Variants in SLC24A2 observed in about 807,000 individuals in gnomAD.
SLC24A2 encodes the protein solute carrier family 24 member 2.
In SLC24A2, 36 loss-of-function variants were observed where a neutral mutation model predicts 62.0. The observed-to-expected ratio is 0.58, with a 90% CI of 0.44 to 0.77. SLC24A2 has a LOEUF of 0.77. Ranked by LOEUF, SLC24A2 falls within the 30% of genes least tolerant of loss-of-function variation. The pLI is 0.00. For synonymous variants in SLC24A2, 358 were observed against 294.0 expected (o/e 1.22, Z -2.23); for missense variants, 846 against 817.9 (o/e 1.03, Z -0.42).
In SLC24A2 at chr9:19,578,066, A is replaced by G. The variant is rs146798101; in HGVS notation, c.1130-1044T>C. Among the ~76,000 whole-genome samples the G allele has an allele frequency of 4.9e-3, 746 of 150,968 alleles. 9 individuals carry two copies. The highest frequency in any genetic ancestry group is 0.017 in the African/African-American group (705 of 41,232). ...GATGCAAAGGCATAAGAATAATACAATAGACTTTGGGGACTTGGGGGGAAG... is the reference window on the plus strand; with the variant it reads ...GATGCAAAGGCATAAGAATAATACAGTAGACTTTGGGGACTTGGGGGGAAG... On this transcript the variant is annotated intron_variant, in intron 5 of 10. Coordinates refer to ENST00000341998, the MANE Select transcript of SLC24A2 (RefSeq NM_020344.4).
At chr9:19,636,380 T>TCC (rs1564010015) in intron 2 of SLC24A2, among the ~76,000 whole-genome samples, 10 of 20,270 alleles carry the variant, frequency 4.9e-4, no homozygotes, top group Non-Finnish European at 7.7e-4. Context: ...TCTTTCTTTC[T>TCC]TTCTTTCTCC....
At chr9:19,779,280 T>C (rs1822939202) in intron 2 of SLC24A2, among the ~76,000 whole-genome samples, 2 of 152,062 alleles carry the variant, frequency 1.3e-5, no homozygotes, top group African/African-American at 4.8e-5. Flanking sequence ...AAATAGAGGA[T>C]ACCTAAATGA....
At chr9:20,221,889 C>T in the SLC24A2 span, among the ~76,000 whole-genome samples, 5 of 151,992 alleles carry the variant, frequency 3.3e-5, no homozygotes, top group South Asian at 4.2e-4. Context: ...ATTTATTGCC[C>T]ACAGACACTC....
the SLC24A2 span, among the ~76,000 whole-genome samples, chr9:19,944,578 A>G: frequency 3.3e-5 from 5 of 152,126 alleles, no homozygotes; most frequent in Non-Finnish European, 5.9e-5. Context: ...TCCTCTTCTC[A>G]TTGTCAGGAA....
chr9:20,162,185 T>G, the SLC24A2 span, among the ~76,000 whole-genome samples: 1 of 151,528 alleles, frequency 6.6e-6, no homozygotes, highest in Non-Finnish European at 1.5e-5. Flanking sequence ...AGCCAGAAGT[T>G]TGAGGCCAGT....
the SLC24A2 span, among the ~76,000 whole-genome samples, chr9:19,912,693 C>T: frequency 2.0e-5 from 3 of 152,146 alleles, no homozygotes; most frequent in Admixed American, 1.3e-4. Flanking sequence ...GACAAAACAA[C>T]ACTGGAACCT....
the SLC24A2 span, among the ~76,000 whole-genome samples, chr9:19,800,454 A>G: frequency 6.6e-6 from 1 of 152,188 alleles, no homozygotes; most frequent in Non-Finnish European, 1.5e-5. Flanking sequence ...TTTTTAAAAA[A>G]TTCTTTCAAT....
intron 5 of SLC24A2, among the ~76,000 whole-genome samples, chr9:19,582,818 C>A (rs905532417): frequency 6.6e-6 from 1 of 152,110 alleles, no homozygotes; most frequent in Admixed American, 6.5e-5. Context: ...TTCTCTCACA[C>A]CCCACATGCC....
chr9:20,224,329 C>A, the SLC24A2 span, among the ~76,000 whole-genome samples: 4 of 151,906 alleles, frequency 2.6e-5, no homozygotes, highest in African/African-American at 9.7e-5. Flanking sequence ...TCTCACTGAG[C>A]CACAAACACG....
At chr9:20,288,640 C>T in the SLC24A2 span, among the ~76,000 whole-genome samples, 1 of 150,576 alleles carries the variant, frequency 6.6e-6, no homozygotes, top group African/African-American at 2.4e-5. Context: ...CATGGTGGCA[C>T]ATGCCTGTTT....
chr9:19,969,640 G>C, the SLC24A2 span, among the ~76,000 whole-genome samples: 3 of 152,152 alleles, frequency 2.0e-5, no homozygotes, highest in Non-Finnish European at 4.4e-5. Flanking sequence ...GAGGATTGAG[G>C]CTACAGTAGT....
At chr9:20,000,947 G>C in the SLC24A2 span, among the ~76,000 whole-genome samples, 1 of 152,140 alleles carries the variant, frequency 6.6e-6, no homozygotes, top group Non-Finnish European at 1.5e-5. Flanking sequence ...GCTTAGAAGG[G>C]TCATCTGACC....
At chr9:19,554,699 C>T (rs7043822) in intron 7 of SLC24A2, among the ~76,000 whole-genome samples, 30,013 of 152,138 alleles carry the variant, frequency 0.2, 4,798 homozygotes, top group African/African-American at 0.45. Flanking sequence ...GGTGCGGATG[C>T]ACCCTTCCTC....
chr9:20,251,729 T>G, the SLC24A2 span, among the ~76,000 whole-genome samples: 23 of 152,360 alleles, frequency 1.5e-4, no homozygotes, highest in Non-Finnish European at 2.9e-4. Flanking sequence ...ACCAGAGATT[T>G]AGAAGTAAAC....
the SLC24A2 span, among the ~76,000 whole-genome samples, chr9:19,936,260 G>A: frequency 6.6e-6 from 1 of 152,014 alleles, no homozygotes; most frequent in East Asian, 1.9e-4. Flanking sequence ...TGTGTTGTTA[G>A]TTATCTTCGA....
chr9:19,956,606 C>T, the SLC24A2 span, among the ~76,000 whole-genome samples: 1 of 152,160 alleles, frequency 6.6e-6, no homozygotes, highest in African/African-American at 2.4e-5. Context: ...TGTATGGCAG[C>T]AGGCAAGAGA....
At chr9:20,015,592 G>C in the SLC24A2 span, among the ~76,000 whole-genome samples, 1 of 152,178 alleles carries the variant, frequency 6.6e-6, no homozygotes, top group South Asian at 2.1e-4. Flanking sequence ...GAAAATACTG[G>C]AAAACACAGT....
chr9:19,902,709 A>G, the SLC24A2 span, among the ~76,000 whole-genome samples: 1 of 152,206 alleles, frequency 6.6e-6, no homozygotes, highest in South Asian at 2.1e-4. Flanking sequence ...GATGAATATT[A>G]TTCTGGAGAC....
At chr9:20,000,454 T>C in the SLC24A2 span, among the ~76,000 whole-genome samples, 16 of 152,318 alleles carry the variant, frequency 1.1e-4, 2 homozygotes, top group African/African-American at 3.6e-4. Flanking sequence ...TGCCAGTTCT[T>C]GATAAACATT....
Sources: gnomAD v4.1 joint callset for allele counts (sites outside exome capture counted in the v4.1 genomes callset) on GRCh38, gnomAD v4.1.1 for gene constraint, MANE v1.5 for transcripts, NCBI Gene and HGNC (gene_info 2026-07-23, HGNC 2026-07-21) for gene names.